UBE2J1: variants seen among roughly 807,000 people sequenced by gnomAD.
UBE2J1 encodes the protein ubiquitin-conjugating enzyme E2 J1.
UBE2J1 carries 17 observed loss-of-function variants against 42.1 expected under a neutral mutation model. The observed-to-expected ratio is 0.40, with a 90% CI of 0.28 to 0.61. The LOEUF is 0.61. UBE2J1 is among the 20% of genes least tolerant of loss of function. UBE2J1 has a pLI of 0.38. For synonymous variants in UBE2J1, 127 were observed against 137.2 expected (o/e 0.93, Z 0.52); for missense variants, 291 against 389.4 (o/e 0.75, Z 2.13).
At chr6:89,338,742 T>C (rs562575685) in intron 3 of UBE2J1, among the ~76,000 whole-genome samples, 199 bp from the exon 4 acceptor site, 4 of 139,334 alleles carry the variant, frequency 2.9e-5, no homozygotes, top group African/African-American at 5.2e-5. Flanking sequence ...ATCAGCTCAC[T>C]GCAAGATCCA....
rs1768147210 is a variant in UBE2J1 at position 89,338,228 on chromosome 6, C to T, written c.405G>A (p.Glu135=). ...ACTTTTTGGCAAGTGCTCTTCTTTC[C>T]TCAGGAGTGTAATCTAGAGAACCTA... The part of the protein sequence containing the change: ...GAIGSLDYTP[E]ERRALAKKSQ... The change falls in exon 5 of 8, where the codon GAG becomes GAA. Residue 135 remains glutamate (E), a synonymous_variant. Coordinates refer to ENST00000435041, the MANE Select transcript of UBE2J1 (RefSeq NM_016021.3). 2 of 1,613,156 alleles carry T rather than the reference C, an allele frequency of 1.2e-6. No individual in the cohort carries two copies. Among genetic ancestry groups the T allele is most frequent in the African/African-American group, 1.3e-5 (1 of 74,982 alleles).
intron 1 of UBE2J1, among the ~76,000 whole-genome samples, chr6:89,349,256 G>C (rs1179043609): frequency 6.6e-6 from 1 of 152,150 alleles, no homozygotes; most frequent in African/African-American, 2.4e-5. Flanking sequence ...AAGAGCATAA[G>C]AGTGGTGGAC....
In UBE2J1 at chr6:89,329,899, T is replaced by G; in HGVS notation, c.737A>C (p.Lys246Thr). 2 of 1,614,136 alleles carry G rather than the reference T, an allele frequency of 1.2e-6. No homozygotes were observed. The highest frequency in any genetic ancestry group is 1.7e-6 in the Non-Finnish European group (2 of 1,179,990). ...CTGTCGAGGGCTCATGGAGGTATTCTTAGCTACAGGTTGGGTAGGTTGATG... is the reference window on the plus strand; with the variant it reads ...CTGTCGAGGGCTCATGGAGGTATTCGTAGCTACAGGTTGGGTAGGTTGATG... ...SFHQPTQPVA[K>T]NTSMSPRQRR... is the part of the protein sequence containing the mutation. The change falls in exon 8 of 8, where the codon AAG (lysine) becomes ACG (threonine). Residue 246 changes from lysine to threonine, a missense_variant. Transcript: ENST00000435041.
At chr6:89,340,518 A>G (rs1001426797) in intron 3 of UBE2J1, among the ~76,000 whole-genome samples, 2 of 152,214 alleles carry the variant, frequency 1.3e-5, no homozygotes, top group Admixed American at 6.5e-5. Flanking sequence ...TCTCTATATC[A>G]GCTAATACTT....
intron 1 of UBE2J1, among the ~76,000 whole-genome samples, chr6:89,344,588 C>A (rs1473482148): frequency 6.6e-6 from 1 of 152,204 alleles, no homozygotes; most frequent in East Asian, 1.9e-4. Context: ...AGCTGAGCAT[C>A]ACTGAAAGGA....
chr6:89,349,929 T>A (rs183289074), intron 1 of UBE2J1, among the ~76,000 whole-genome samples: 213 of 152,126 alleles, frequency 1.4e-3, no homozygotes, highest in Middle Eastern at 0.01. Context: ...AAGACCCTAC[T>A]TCCTTGGCCA....
At chr6:89,352,505 G>A (rs766552223) in intron 1 of UBE2J1, 34 bp downstream of exon 1, 5 of 1,553,752 alleles carry the variant, frequency 3.2e-6, no homozygotes, top group Non-Finnish European at 4.3e-6. Context: ...GGGTCACTCC[G>A]CCCTCCTCGC....
chr6:89,345,483 T>G (rs1768344881), intron 1 of UBE2J1, among the ~76,000 whole-genome samples: 1 of 152,048 alleles, frequency 6.6e-6, no homozygotes, highest in South Asian at 2.1e-4. Flanking sequence ...ACGCCTGTAA[T>G]CCCAGCTACT....
At chr6:89,333,693 T>C (rs1388280631) in intron 6 of UBE2J1, among the ~76,000 whole-genome samples, 1 of 152,222 alleles carries the variant, frequency 6.6e-6, no homozygotes, top group Non-Finnish European at 1.5e-5. Context: ...TGTAAGATCT[T>C]TTCTTAAGTC....
rs914194677 is a variant in UBE2J1 at position 89,327,856 on chromosome 6, G to A, written c.*1823C>T. On this transcript the variant is annotated 3_prime_UTR_variant, in exon 8 of 8. Coordinates refer to ENST00000435041, the MANE Select transcript of UBE2J1 (RefSeq NM_016021.3). The stretch of plus-strand genomic sequence containing the variant: ...GGGGATTTCTTTCTTCTCATATGAC[G>A]CTACCGTCGGTGACTTCTTACTAGG... The A allele has an allele frequency of 9.9e-5, 15 of 152,230 alleles. No homozygotes were observed. In the East Asian group the frequency reaches 1.2e-3, roughly 12 times the overall value. The allele number at this position is 152,230 out of a possible 1,614,324, so 9.4% of individuals were successfully genotyped here. A position where few individuals can be genotyped will look rare whatever the true frequency, so the allele number is the denominator to read the frequency against.
intron 1 of UBE2J1, among the ~76,000 whole-genome samples, chr6:89,352,253 C>G (rs1768498703): frequency 6.6e-6 from 1 of 152,180 alleles, no homozygotes; most frequent in South Asian, 2.1e-4. Context: ...CACCTGTTCT[C>G]AGGGATGAGT....
rs543055948 is a variant in UBE2J1 at position 89,345,944 on chromosome 6, TG to T, written c.32-2189del. Among the ~76,000 whole-genome samples, 5 of 148,324 alleles carry T rather than the reference TG, an allele frequency of 3.4e-5. No individual in the cohort carries two copies. The East Asian group carries it at 9.9e-4, about 30-fold the overall frequency. ...AAAAGCCCTCCAGGCCGGAGGGCAG[TG>T]GTACGAACACAGCTCACTCACTGAA... On this transcript the variant is annotated intron_variant, in intron 1 of 7. Coordinates refer to ENST00000435041, the MANE Select transcript of UBE2J1 (RefSeq NM_016021.3).
chr6:89,337,038 G>A (rs548505739), intron 5 of UBE2J1, among the ~76,000 whole-genome samples: 3 of 151,868 alleles, frequency 2.0e-5, no homozygotes, highest in African/African-American at 7.2e-5. Flanking sequence ...CTGCAGTTTC[G>A]CCATTTTACC....
intron 6 of UBE2J1, among the ~76,000 whole-genome samples, chr6:89,334,806 T>C (rs981038525): frequency 6.6e-6 from 1 of 152,218 alleles, no homozygotes; most frequent in Non-Finnish European, 1.5e-5. Context: ...TATTCTGTAA[T>C]AATAGCTAGA....
At chr6:89,339,259 C>CA (rs1168379346) in intron 3 of UBE2J1, among the ~76,000 whole-genome samples, 4 of 147,204 alleles carry the variant, frequency 2.7e-5, no homozygotes, top group Non-Finnish European at 6.0e-5. Context: ...ACACTGTCAC[C>CA]AAAAAAAGAA....
At chr6:89,337,226 C>CTTT (rs202105618) in intron 5 of UBE2J1, among the ~76,000 whole-genome samples, 129 of 136,024 alleles carry the variant, frequency 9.5e-4, no homozygotes, top group African/African-American at 3.4e-3. Context: ...AACTCCAGTT[C>CTTT]TTTTTTTTTT....
rs200481863 is a variant in UBE2J1 at position 89,336,479 on chromosome 6, T to TA, written c.429-1049_429-1048insT. Among the ~76,000 whole-genome samples the TA allele has an allele frequency of 4.4e-3, 658 of 150,918 alleles. 5 individuals carry two copies. Among genetic ancestry groups the TA allele is most frequent in the African/African-American group, 0.015 (612 of 41,230 alleles). The stretch of plus-strand genomic sequence containing the variant: ...CTAATTTTTATTTTATTTTATTTTT[T>TA]TTTTTTATTTCATTTTATTATTATT... On this transcript the variant is annotated intron_variant, in intron 5 of 7. Transcript: ENST00000435041.
chr6:89,333,653 C>T (rs192873682), intron 6 of UBE2J1, among the ~76,000 whole-genome samples: 10 of 152,320 alleles, frequency 6.6e-5, no homozygotes, highest in East Asian at 1.9e-4. Flanking sequence ...TGCCCCAGAT[C>T]GCACGGCAGG....
At chr6:89,340,649 T>C (rs1768226434) in intron 3 of UBE2J1, among the ~76,000 whole-genome samples, 1 of 152,236 alleles carries the variant, frequency 6.6e-6, no homozygotes, top group African/African-American at 2.4e-5. Flanking sequence ...CATAGTGTAA[T>C]GGAAAGAGCA....
Sources: allele counts gnomAD v4.1 joint callset (sites outside exome capture counted in the v4.1 genomes callset), GRCh38; gene constraint gnomAD v4.1.1; transcripts MANE v1.5; gene names NCBI Gene and HGNC (gene_info 2026-07-23, HGNC 2026-07-21).